The following ATXN7L1 variants were observed in gnomAD, a reference collection of about 807,000 sequenced individuals.
ATXN7L1 encodes the protein ataxin 7 like 1, also known as ataxin-7-like protein 1.
In ATXN7L1, 15 loss-of-function variants were observed where a neutral mutation model predicts 70.8. That is an observed-to-expected ratio of 0.21 (90% CI 0.14 to 0.33). The LOEUF (loss-of-function observed/expected upper bound fraction) is 0.33, where lower values mean the gene tolerates loss of function less well. Among genes scored for constraint, ATXN7L1 ranks in the 10% least tolerant of loss-of-function variants. ATXN7L1 has a pLI of 1.00. For synonymous variants in ATXN7L1, 440 were observed against 445.1 expected (o/e 0.99, Z 0.14); for missense variants, 975 against 1,097.1 (o/e 0.89, Z 1.57).
At chr7:105,714,728 T>A (rs191132724) in intron 3 of ATXN7L1, among the ~76,000 whole-genome samples, 1 of 152,218 alleles carries the variant, frequency 6.6e-6, no homozygotes, top group South Asian at 2.1e-4. Flanking sequence ...AGTGGCACCA[T>A]CTCGGCTCAC....
rs184715382 is a variant in ATXN7L1, at chr7:105,717,050, A to G, written c.356-51762T>C. ...TACACAGATATGTACATAATTTTTTAAAAAGTGATCATACTAAGCATTGTT... is the reference window on the plus strand; with the variant it reads ...TACACAGATATGTACATAATTTTTTGAAAAGTGATCATACTAAGCATTGTT... On this transcript the variant is annotated intron_variant, in intron 3 of 11. Coordinates refer to ENST00000419735, the MANE Select transcript of ATXN7L1 (RefSeq NM_020725.2). 6.5e-3 allele frequency among the ~76,000 whole-genome samples: 987 copies of G among 152,302 alleles called. 11 individuals are homozygous for G. Among genetic ancestry groups the G allele is most frequent in the African/African-American group, 0.023 (945 of 41,560 alleles).
chr7:105,746,541 G>T (rs967125547), intron 3 of ATXN7L1, among the ~76,000 whole-genome samples: 9 of 152,084 alleles, frequency 5.9e-5, no homozygotes, highest in African/African-American at 2.2e-4. Context: ...AGACCCTCTC[G>T]CTGACTGCAC....
At chr7:105,853,835 G>T (rs767083660) in intron 2 of ATXN7L1, among the ~76,000 whole-genome samples, 3 of 152,020 alleles carry the variant, frequency 2.0e-5, no homozygotes, top group Non-Finnish European at 4.4e-5. Flanking sequence ...TAACAAAAAG[G>T]GCGGGCGGTA....
chr7:105,762,270 C>G (rs191159108), intron 3 of ATXN7L1, among the ~76,000 whole-genome samples: 3 of 152,192 alleles, frequency 2.0e-5, no homozygotes, highest in South Asian at 2.1e-4. Flanking sequence ...TCCTTGACAC[C>G]CTTCTGCCTT....
At chr7:105,758,958 G>C (rs1188504723) in intron 3 of ATXN7L1, among the ~76,000 whole-genome samples, 1 of 152,178 alleles carries the variant, frequency 6.6e-6, no homozygotes, top group Non-Finnish European at 1.5e-5. Context: ...CCCTGCGGAA[G>C]GGGGTCCGTG....
intron 3 of ATXN7L1, among the ~76,000 whole-genome samples, chr7:105,743,810 C>G (rs139712151): frequency 4.6e-5 from 7 of 152,156 alleles, no homozygotes; most frequent in African/African-American, 1.7e-4. Flanking sequence ...TAGATCTTTC[C>G]GCCTCAGTAA....
At chr7:105,865,680 C>T (rs1009456225) in intron 2 of ATXN7L1, among the ~76,000 whole-genome samples, 7 of 152,142 alleles carry the variant, frequency 4.6e-5, no homozygotes, top group Non-Finnish European at 1.0e-4. Flanking sequence ...GGATTACAGG[C>T]GTGAGCCACT....
intron 4 of ATXN7L1, among the ~76,000 whole-genome samples, chr7:105,662,082 C>CCTTCG (rs1554414718): frequency 1.3e-5 from 1 of 78,820 alleles, no homozygotes; most frequent in African/African-American, 3.8e-5. Flanking sequence ...TTCCTTCCTT[C>CCTTCG]TTTCTTTTCT....
At chr7:105,669,680 T>C (rs1252926256) in intron 3 of ATXN7L1, among the ~76,000 whole-genome samples, 2 of 152,060 alleles carry the variant, frequency 1.3e-5, no homozygotes, top group African/African-American at 4.8e-5. Context: ...CCCAGCACTT[T>C]GGGAGGCCAA....
chr7:105,812,214 G>A (rs986257024), intron 2 of ATXN7L1, among the ~76,000 whole-genome samples: 16 of 152,214 alleles, frequency 1.1e-4, no homozygotes, highest in Non-Finnish European at 2.2e-4. Flanking sequence ...CCTGCAATAA[G>A]CATTTGTTGA....
intron 2 of ATXN7L1, among the ~76,000 whole-genome samples, chr7:105,828,469 C>T (rs1811168474): frequency 6.6e-6 from 1 of 152,048 alleles, no homozygotes; most frequent in African/African-American, 2.4e-5. Flanking sequence ...TGCTTTTAAT[C>T]CCATGGGATG....
intron 3 of ATXN7L1, among the ~76,000 whole-genome samples, chr7:105,715,319 T>G (rs1267679008): frequency 6.6e-6 from 1 of 152,222 alleles, no homozygotes; most frequent in Non-Finnish European, 1.5e-5. Context: ...CTCCCAGAGT[T>G]CACGTGGGCA....
At chr7:105,819,817 C>T in intron 2 of ATXN7L1, 1 of 637,228 alleles carries the variant, frequency 1.6e-6, no homozygotes, top group Non-Finnish European at 3.0e-6. Flanking sequence ...CGGCATCCCA[C>T]CGCCCTATGA....
intron 3 of ATXN7L1, among the ~76,000 whole-genome samples, chr7:105,758,807 G>GAA (rs1284142467): frequency 3.3e-5 from 5 of 152,204 alleles, no homozygotes; most frequent in African/African-American, 1.2e-4. Context: ...CTTAGCAAAC[G>GAA]AAGTGTATCA....
intron 2 of ATXN7L1, among the ~76,000 whole-genome samples, chr7:105,789,222 A>T (rs1804769004): frequency 6.6e-6 from 1 of 152,224 alleles, no homozygotes; most frequent in Non-Finnish European, 1.5e-5. Context: ...TCTGCTGAAG[A>T]AGTGGCTCAT....
intron 7 of ATXN7L1, among the ~76,000 whole-genome samples, chr7:105,637,351 A>T (rs940764089): frequency 1.3e-5 from 2 of 152,196 alleles, no homozygotes; most frequent in Non-Finnish European, 2.9e-5. Flanking sequence ...TGTCCTCTTA[A>T]AGCCTATTTG....
At chr7:105,742,519 G>A (rs377048904) in intron 3 of ATXN7L1, among the ~76,000 whole-genome samples, 4 of 152,150 alleles carry the variant, frequency 2.6e-5, no homozygotes, top group East Asian at 1.9e-4. Flanking sequence ...GACACATAAA[G>A]GTAGAGTGAG....
At chr7:105,681,454 G>C (rs188346288) in intron 3 of ATXN7L1, among the ~76,000 whole-genome samples, 3 of 152,290 alleles carry the variant, frequency 2.0e-5, no homozygotes, top group Non-Finnish European at 2.9e-5. Flanking sequence ...CTGTTGGTGG[G>C]AATGTAAAAT....
chr7:105,731,596 G>A (rs536254031), intron 3 of ATXN7L1, among the ~76,000 whole-genome samples: 45 of 150,860 alleles, frequency 3.0e-4, no homozygotes, highest in African/African-American at 9.5e-4. Context: ...CACCACGCCC[G>A]GCTAATTTTT....
Sources: gnomAD v4.1 joint callset for allele counts (sites outside exome capture counted in the v4.1 genomes callset) on GRCh38, gnomAD v4.1.1 for gene constraint, MANE v1.5 for transcripts, NCBI Gene and HGNC (gene_info 2026-07-23, HGNC 2026-07-21) for gene names.